DGKB: variants seen among roughly 807,000 people sequenced by gnomAD.
DGKB encodes 90 kDa diacylglycerol kinase.
Under a neutral mutation model 114.3 loss-of-function variants are expected in DGKB, and 67 were observed. That is an observed-to-expected ratio of 0.59 (90% CI 0.48 to 0.72). The LOEUF (loss-of-function observed/expected upper bound fraction) is 0.72, where lower values mean the gene tolerates loss of function less well. DGKB is among the 30% of genes least tolerant of loss of function. DGKB has a pLI of 0.00. For missense variants in DGKB, 907 were observed against 975.2 expected (o/e 0.93, Z 0.93); for synonymous variants, 398 against 323.1 (o/e 1.23, Z -2.49).
At chr7:14,312,670 T>G (rs1355404839) in intron 23 of DGKB, among the ~76,000 whole-genome samples, 1 of 152,254 alleles carries the variant, frequency 6.6e-6, no homozygotes, top group African/African-American at 2.4e-5. Flanking sequence ...TCAGCCACTT[T>G]GTTCATGGAA....
At chr7:14,731,107 G>A (rs1487498722) in intron 5 of DGKB, among the ~76,000 whole-genome samples, 2 of 152,174 alleles carry the variant, frequency 1.3e-5, no homozygotes, top group Non-Finnish European at 1.5e-5. Flanking sequence ...GGGAAGTGAC[G>A]CAGCGGAAGG....
intron 9 of DGKB, among the ~76,000 whole-genome samples, chr7:14,689,423 G>A (rs970952142): frequency 1.3e-5 from 2 of 151,594 alleles, no homozygotes; most frequent in Non-Finnish European, 2.9e-5. Flanking sequence ...CGCCCGCCTC[G>A]GCCTCCCAAA....
intron 19 of DGKB, among the ~76,000 whole-genome samples, chr7:14,577,509 C>T (rs1203451027): frequency 2.0e-5 from 3 of 151,922 alleles, no homozygotes; most frequent in African/African-American, 7.3e-5. Context: ...ACCAGCTACT[C>T]GGGAGGCTGA....
rs561555736 is a variant in DGKB, at chr7:14,387,608, G to C, written c.1836-42217C>G. On this transcript the variant is annotated intron_variant, in intron 21 of 25. Coordinates refer to ENST00000402815, the MANE Select transcript of DGKB (RefSeq NM_001350709.2). ...TTTTGTTTGTTTTCTGTAGAGACGG[G>C]GTCTCACTATGTTGCCCATCCTGGT... Among the ~76,000 whole-genome samples the C allele has an allele frequency of 3.4e-4, 51 of 151,828 alleles. 1 individual carries two copies. In the South Asian group the frequency reaches 0.01, roughly 31 times the overall value.
intron 6 of DGKB, among the ~76,000 whole-genome samples, chr7:14,710,426 T>G (rs1244935147): frequency 6.6e-6 from 1 of 152,096 alleles, no homozygotes; most frequent in Non-Finnish European, 1.5e-5. Flanking sequence ...GATTACTGGG[T>G]AGTCTATAAT....
intron 1 of DGKB, among the ~76,000 whole-genome samples, chr7:14,932,442 A>T (rs1342541791): frequency 6.6e-6 from 1 of 152,220 alleles, no homozygotes; most frequent in Non-Finnish European, 1.5e-5. Context: ...GAAAAAATAA[A>T]GACTGTTTAT....
chr7:14,372,216 G>A (rs1025108107), intron 21 of DGKB, among the ~76,000 whole-genome samples: 1 of 152,136 alleles, frequency 6.6e-6, no homozygotes, highest in African/African-American at 2.4e-5. Flanking sequence ...CTTCAATCAC[G>A]TTTATCAGCC....
At chr7:14,620,407 T>C (rs1365672781) in intron 15 of DGKB, among the ~76,000 whole-genome samples, 1 of 151,448 alleles carries the variant, frequency 6.6e-6, no homozygotes, top group Non-Finnish European at 1.5e-5. Context: ...AGGCATCTTC[T>C]CTGTGCCCTG....
intron 20 of DGKB, among the ~76,000 whole-genome samples, chr7:14,526,005 A>G (rs2128579084): frequency 1.3e-5 from 2 of 152,228 alleles, no homozygotes; most frequent in Admixed American, 1.3e-4. Flanking sequence ...TAAACAAACT[A>G]ATTTCTATAT....
chr7:14,201,252 A>G (rs761795072), intron 23 of DGKB, among the ~76,000 whole-genome samples: 1 of 151,388 alleles, frequency 6.6e-6, no homozygotes, highest in Non-Finnish European at 1.5e-5. Context: ...CCCAATTATG[A>G]TGGCACCACC....
At chr7:14,747,708 A>C (rs546451899) in intron 4 of DGKB, among the ~76,000 whole-genome samples, 3 of 152,126 alleles carry the variant, frequency 2.0e-5, no homozygotes, top group East Asian at 3.9e-4. Flanking sequence ...AATGATACAA[A>C]TTGGGTCAGA....
At chr7:14,150,102 A>T (rs969368883) in intron 25 of DGKB, among the ~76,000 whole-genome samples, 1 of 152,134 alleles carries the variant, frequency 6.6e-6, no homozygotes, top group Non-Finnish European at 1.5e-5. Context: ...ATAATAAATG[A>T]TTCTCATTAT....
Position 14,712,671 on chromosome 7 carries a change from A to AAAAT in DGKB, c.466+5867_466+5870dup, listed in dbSNP as rs573281502. Among the ~76,000 whole-genome samples the AAAAT allele has an allele frequency of 5.0e-3, 765 of 152,134 alleles. 7 individuals are homozygous for AAAAT. Among genetic ancestry groups the AAAAT allele is most frequent in the African/African-American group, 0.017 (714 of 41,486 alleles). On this transcript the variant is annotated intron_variant, in intron 6 of 25. Coordinates refer to ENST00000402815, the MANE Select transcript of DGKB (RefSeq NM_001350709.2). ...GGGAAACAGAGTGAGACTGTGTCTC[A>AAAAT]AAATAAATAAATAAATAAATAGAAA...
At chr7:14,628,091 C>T (rs369953114) in intron 14 of DGKB, among the ~76,000 whole-genome samples, 1 of 152,078 alleles carries the variant, frequency 6.6e-6, no homozygotes, top group Admixed American at 6.6e-5. Flanking sequence ...CTTATGCTCA[C>T]ACTCATTGTC....
chr7:14,641,682 T>C (rs550979208), intron 13 of DGKB, among the ~76,000 whole-genome samples: 3 of 152,242 alleles, frequency 2.0e-5, no homozygotes, highest in African/African-American at 4.8e-5. Flanking sequence ...TAATTACATA[T>C]AGTTCAATAT....
rs113984176 is a variant in DGKB, at chr7:14,428,431, C to T, written c.1835+49730G>A. Among the ~76,000 whole-genome samples, 203 of 152,102 alleles carry T rather than the reference C, an allele frequency of 1.3e-3. 1 individual carries two copies. Among genetic ancestry groups the T allele is most frequent in the African/African-American group, 4.5e-3 (187 of 41,506 alleles). ...GAAATACTGATTTGTTGTTTTGCAT[C>T]GAGGTTGTTTGGGGGTATGAGGAAG... is the stretch of plus-strand genomic sequence containing the variant. On this transcript the variant is annotated intron_variant, in intron 21 of 25. Transcript: ENST00000402815.
chr7:14,153,477 CT>C (rs2128215535), intron 25 of DGKB, among the ~76,000 whole-genome samples: 1 of 152,142 alleles, frequency 6.6e-6, no homozygotes, highest in South Asian at 2.1e-4. Context: ...TTATTTTACA[CT>C]GAAGGACAAA....
At chr7:14,603,696 G>A (rs188607577) in intron 17 of DGKB, among the ~76,000 whole-genome samples, 86 of 152,120 alleles carry the variant, frequency 5.7e-4, no homozygotes, top group African/African-American at 2.0e-3. Context: ...CAGGTAGATG[G>A]AAGCAAAGAT....
At chr7:14,810,867 C>T (rs1444304134) in intron 2 of DGKB, among the ~76,000 whole-genome samples, 1 of 152,228 alleles carries the variant, frequency 6.6e-6, no homozygotes, top group East Asian at 1.9e-4. Context: ...CCTTGGCCTC[C>T]CAAAGTGGTG....
Sources: gnomAD v4.1 joint callset for allele counts (sites outside exome capture counted in the v4.1 genomes callset) on GRCh38, gnomAD v4.1.1 for gene constraint, MANE v1.5 for transcripts, NCBI Gene and HGNC (gene_info 2026-07-23, HGNC 2026-07-21) for gene names.